LUZP2: variants seen among roughly 807,000 people sequenced by gnomAD.
The protein encoded by LUZP2 is leucine zipper protein 2.
A neutral mutation model predicts 51.6 loss-of-function variants in LUZP2; 52 were observed. The observed-to-expected ratio is 1.01, with a 90% confidence interval of 0.81 to 1.27. The LOEUF (loss-of-function observed/expected upper bound fraction) is 1.27. Among genes scored for constraint, LUZP2 ranks in the 50% most tolerant of loss-of-function variants. The pLI is 0.00. For missense variants in LUZP2, 436 were observed against 395.4 expected (o/e 1.10, Z -0.87); for synonymous variants, 154 against 137.3 (o/e 1.12, Z -0.85).
intron 7 of LUZP2, among the ~76,000 whole-genome samples, chr11:24,920,948 TA>T (rs913400404): frequency 1.5e-4 from 23 of 151,914 alleles, no homozygotes; most frequent in Non-Finnish European, 3.2e-4. Context: ...TGTATACAAA[TA>T]AAAAAGAAAA....
intron 9 of LUZP2, among the ~76,000 whole-genome samples, chr11:25,022,416 A>G (rs1311406494): frequency 6.6e-6 from 1 of 152,080 alleles, no homozygotes; most frequent in Non-Finnish European, 1.5e-5. Flanking sequence ...AACATTTATT[A>G]CTAGCCTGAA....
chr11:24,529,031 C>T (rs76339849), intron 1 of LUZP2, among the ~76,000 whole-genome samples: 4,235 of 151,036 alleles, frequency 0.028, 228 homozygotes, highest in African/African-American at 0.096. Context: ...TCCTCTGTCT[C>T]ACCCCTTCAA....
chr11:24,998,713 A>G (rs554266270), intron 9 of LUZP2, among the ~76,000 whole-genome samples: 58 of 152,254 alleles, frequency 3.8e-4, no homozygotes, highest in Non-Finnish European at 7.5e-4. Context: ...ACCCAACTTA[A>G]TAGGATTTCT....
At chr11:24,828,142 T>C (rs1035280877) in intron 5 of LUZP2, among the ~76,000 whole-genome samples, 1 of 152,070 alleles carries the variant, frequency 6.6e-6, no homozygotes, top group Non-Finnish European at 1.5e-5. Context: ...GTGAGCAATA[T>C]TCTGGTGACT....
intron 5 of LUZP2, chr11:24,785,869 T>C: frequency 1.0e-6 from 1 of 985,316 alleles, no homozygotes; most frequent in Non-Finnish European, 1.2e-6. Flanking sequence ...TTGCTCTGTT[T>C]CTCCCTAAAA....
chr11:24,735,171 C>T (rs1858885840), intron 3 of LUZP2, among the ~76,000 whole-genome samples: 1 of 151,830 alleles, frequency 6.6e-6, no homozygotes, highest in Non-Finnish European at 1.5e-5. Context: ...TCTAGCAAGA[C>T]AAACAGAGAA....
chr11:24,898,637 A>G (rs1187498873), intron 5 of LUZP2, among the ~76,000 whole-genome samples: 2 of 152,184 alleles, frequency 1.3e-5, no homozygotes, highest in Non-Finnish European at 2.9e-5. Flanking sequence ...AGAAAAAAAA[A>G]AAAACAAGAG....
At chr11:24,539,292 T>C (rs1564978183) in intron 1 of LUZP2, among the ~76,000 whole-genome samples, 2 of 152,098 alleles carry the variant, frequency 1.3e-5, no homozygotes, top group East Asian at 3.9e-4. Context: ...AAAGCTTTAA[T>C]GGTGCTAATA....
chr11:24,657,767 A>G (rs1281512686), intron 1 of LUZP2, among the ~76,000 whole-genome samples: 1 of 152,178 alleles, frequency 6.6e-6, no homozygotes, highest in African/African-American at 2.4e-5. Context: ...AATCACAAGC[A>G]TTCTTATACA....
chr11:25,043,961 A>T (rs1213389389), intron 9 of LUZP2, among the ~76,000 whole-genome samples: 1 of 146,168 alleles, frequency 6.8e-6, no homozygotes, highest in African/African-American at 2.5e-5. Context: ...ATATATATAT[A>T]GTCCATATAT....
chr11:24,610,837 C>T (rs1203194820), intron 1 of LUZP2, among the ~76,000 whole-genome samples: 1 of 152,052 alleles, frequency 6.6e-6, no homozygotes, highest in African/African-American at 2.4e-5. Flanking sequence ...CCCAGCTACT[C>T]AAGAGACTGA....
At chr11:24,725,243 G>A (rs10767242) in intron 1 of LUZP2, among the ~76,000 whole-genome samples, 54,251 of 151,724 alleles carry the variant, frequency 0.36, 10,109 homozygotes, top group Non-Finnish European at 0.41. Flanking sequence ...GACATGTCAC[G>A]AAGACAGCAA....
chr11:24,857,304 C>T (rs5011179), intron 5 of LUZP2, among the ~76,000 whole-genome samples: 5 of 47,752 alleles, frequency 1.0e-4, no homozygotes, highest in East Asian at 9.6e-4. Flanking sequence ...TATATATATA[C>T]ATATATATAC....
chr11:24,826,190 A>AAAAAATATATATATATATATAT (rs1215786412), intron 5 of LUZP2, among the ~76,000 whole-genome samples: 13 of 67,502 alleles, frequency 1.9e-4, no homozygotes, highest in African/African-American at 7.1e-4. Context: ...AAAAAAAAAA[A>AAAAAATATATATATATATATAT]ATATATATAT....
intron 1 of LUZP2, among the ~76,000 whole-genome samples, chr11:24,498,405 G>A (rs1012540538): frequency 4.6e-5 from 7 of 151,102 alleles, no homozygotes; most frequent in Middle Eastern, 6.9e-3. Context: ...TCTTGATTCC[G>A]TTCCTAATCT....
chr11:24,560,312 G>C lies in LUZP2; in HGVS notation c.62+63007G>C, dbSNP rs576458216. ...ATCCAATAAAATAAGCAAAATTTCTGATTATGATTCTACTTTTAAAACATA... is the reference window on the plus strand; with the variant it reads ...ATCCAATAAAATAAGCAAAATTTCTCATTATGATTCTACTTTTAAAACATA... On this transcript the variant is annotated intron_variant, in intron 1 of 11. Coordinates refer to ENST00000336930, the MANE Select transcript of LUZP2 (RefSeq NM_001009909.4). 2.0e-5 allele frequency among the ~76,000 whole-genome samples: 3 copies of C among 152,236 alleles called. No individual in the cohort carries two copies. In the South Asian group the frequency reaches 6.2e-4, roughly 32 times the overall value.
intron 1 of LUZP2, among the ~76,000 whole-genome samples, chr11:24,566,880 A>ATG (rs1852251305): frequency 8.1e-6 from 1 of 123,230 alleles, no homozygotes; most frequent in Non-Finnish European, 1.7e-5. Flanking sequence ...CATATTTATA[A>ATG]CATATATACA....
At chr11:24,658,472 C>G (rs1416746731) in intron 1 of LUZP2, among the ~76,000 whole-genome samples, 9 of 152,092 alleles carry the variant, frequency 5.9e-5, no homozygotes, top group Non-Finnish European at 4.4e-5. Context: ...CATAAAAACC[C>G]TAGAAGAAAA....
chr11:24,809,976 T>C (rs918050092), intron 5 of LUZP2, among the ~76,000 whole-genome samples: 45 of 152,276 alleles, frequency 3.0e-4, no homozygotes, highest in African/African-American at 1.0e-3. Context: ...TGCAAAAGCA[T>C]AGTGAAGTCC....
Sources: gnomAD v4.1 joint callset for allele counts (sites outside exome capture counted in the v4.1 genomes callset) on GRCh38, gnomAD v4.1.1 for gene constraint, MANE v1.5 for transcripts, NCBI Gene and HGNC (gene_info 2026-07-23, HGNC 2026-07-21) for gene names.